Variants in ARHGEF2 observed in about 807,000 individuals in gnomAD.
The protein encoded by ARHGEF2 is rho guanine nucleotide exchange factor 2.
In ARHGEF2, 22 loss-of-function variants were observed where a neutral mutation model predicts 121.0. The ratio of observed to expected loss-of-function variants is 0.18; its 90% CI spans 0.13 to 0.26. The LOEUF is 0.26. Among genes scored for constraint, ARHGEF2 ranks in the 10% least tolerant of loss-of-function variants. The pLI, the probability that ARHGEF2 is intolerant of heterozygous loss-of-function variation, is 1.00. For missense variants in ARHGEF2, 907 were observed against 1,336.0 expected, an observed-to-expected ratio of 0.68 and a Z score of 5.01; for synonymous variants, 487 against 530.0, an observed-to-expected ratio of 0.92 and a Z score of 1.11.
intron 2 of ARHGEF2, 110 bp from the exon 3 acceptor site, chr1:155,966,997 C>A (rs541010057): frequency 4.0e-6 from 4 of 1,000,710 alleles, no homozygotes; most frequent in Non-Finnish European, 6.2e-6. Context: ...CGGGGACTCT[C>A]CCCCCTTCCC....
chr1:155,964,446 G>A (rs986290148), intron 7 of ARHGEF2, among the ~76,000 whole-genome samples: 4 of 151,620 alleles, frequency 2.6e-5, no homozygotes, highest in African/African-American at 7.3e-5. Flanking sequence ...TCTCCAGCAC[G>A]GTGTTAAGCG....
chr1:155,955,011 T>C, intron 13 of ARHGEF2, 42 bp from the exon 14 acceptor site: 1 of 1,559,102 alleles, frequency 6.4e-7, no homozygotes, highest in African/African-American at 1.4e-5. Context: ...AGACAGAAGC[T>C]AGGTTATAGA....
In ARHGEF2 at chr1:155,965,082, C is replaced by G. The variant is rs369719782; in HGVS notation, c.630G>C (p.Lys210Asn). ...GACTCCAAGAGTCAGCTGCAAAGTC[C>G]TTCTCATCCATCTCAAAGTCACTCA... ...ELMSDFEMDE[K>N]DFAADSWSLA... The change falls in exon 7 of 22, where the codon AAG becomes AAC. Residue 210 changes from lysine (K) to asparagine (N), a missense_variant. Physicochemically the swap from Lys to Asn is moderately conservative, Grantham distance 94. This residue lies in a region of ARHGEF2 where 475 missense variants were observed against 776.5 expected (regional missense o/e 0.61). Transcript: ENST00000361247. This position sits in a 1 kb window ranked among gnomAD's most constrained non-coding sequence, Gnocchi z 6.0. 6.2e-7 allele frequency: 1 copy of G among 1,613,978 alleles called. No homozygotes were observed. The highest frequency in any genetic ancestry group is 8.5e-7 in the Non-Finnish European group (1 of 1,180,034).
At chr1:155,955,956 T>A (rs1676581538) in intron 13 of ARHGEF2, among the ~76,000 whole-genome samples, 1 of 151,886 alleles carries the variant, frequency 6.6e-6, no homozygotes. Context: ...GGTCCGCCTG[T>A]CTCAGCCTCC....
intron 13 of ARHGEF2, among the ~76,000 whole-genome samples, 174 bp downstream of exon 13, chr1:155,957,539 C>T (rs977534532): frequency 1.3e-5 from 2 of 152,220 alleles, no homozygotes; most frequent in African/African-American, 4.8e-5. Context: ...TGTGGCTTTA[C>T]AGGACATAAG....
chr1:155,950,362 C>G lies in ARHGEF2; in HGVS notation c.2824G>C (p.Asp942His), dbSNP rs990259006. ...SPEERLQDSS[D>H]PDTGSEEEGS... is the part of the protein sequence containing the mutation. ...TCCTCCTCGCTGCCAGTGTCAGGGT[C>G]ACTGCTGTCTTGCAGCCGCTCTTCG... is the stretch of plus-strand genomic sequence containing the variant. Residue 942 changes from aspartate (D) to histidine (H), a missense_variant, in exon 21 of 22, where the codon GAC becomes CAC. By Grantham distance (81) the Asp-to-His change is moderately conservative. Around this residue, in one of 2 missense-constraint regions of ARHGEF2, gnomAD observed 432 missense variants for 559.5 expected, o/e 0.77. Transcript: ENST00000361247. The surrounding 1 kb of genome is among the most constrained non-coding windows in gnomAD (Gnocchi z 5.2). The G allele has an allele frequency of 6.2e-7, 1 of 1,613,898 alleles. No homozygotes were observed. Among genetic ancestry groups the G allele is most frequent in the Non-Finnish European group, 8.5e-7 (1 of 1,180,040 alleles).
At position 155,947,118 on chromosome 1, in the gene ARHGEF2, A is replaced by G; in HGVS notation, c.*824T>C. 2.9e-6 allele frequency: 1 copy of G among 348,220 alleles called. No homozygotes were observed. Among genetic ancestry groups the G allele is most frequent in the Non-Finnish European group, 5.7e-6 (1 of 176,582 alleles). The allele number at this position is 348,220 out of a possible 1,614,324, so 21.6% of individuals were successfully genotyped here. A position where few individuals can be genotyped will look rare whatever the true frequency, so the allele number is the denominator to read the frequency against. ...TCAGTATAGGTCCCCCCGTTACTGC[A>G]GATGAAGGCAGAAGTCATTCTCTCC... On this transcript the variant is annotated 3_prime_UTR_variant, in exon 22 of 22. Transcript: ENST00000361247.
chr1:155,971,533 T>C (rs903093738), intron 1 of ARHGEF2, among the ~76,000 whole-genome samples: 3 of 136,598 alleles, frequency 2.2e-5, no homozygotes, highest in Non-Finnish European at 4.7e-5. Flanking sequence ...TGGGTTGAGA[T>C]TGGGCCACTG....
rs771815227 is a variant in ARHGEF2 at position 155,961,928 on chromosome 1, A to C, written c.1220-19T>G. On this transcript the variant is annotated intron_variant, in intron 10 of 21. Transcript: ENST00000361247. This position sits in a 1 kb window ranked among gnomAD's most constrained non-coding sequence, Gnocchi z 4.7. ...TCGATCCCTGGCACCGGGGGTTGGCATGGGGAACGGCTCAACCAGTTTCAC... is the reference window on the plus strand; with the variant it reads ...TCGATCCCTGGCACCGGGGGTTGGCCTGGGGAACGGCTCAACCAGTTTCAC... 6 of 1,613,144 alleles carry C rather than the reference A, an allele frequency of 3.7e-6. No individual in the cohort carries two copies. In the African/African-American group the frequency reaches 5.3e-5, roughly 14 times the overall value.
rs952272208 is a variant in ARHGEF2 at position 155,951,317 on chromosome 1, C to T, written c.2260-45G>A. On this transcript the variant is annotated intron_variant, in intron 19 of 21. Transcript: ENST00000361247. This position sits in a 1 kb window ranked among gnomAD's most constrained non-coding sequence, Gnocchi z 5.1. ...AGAAGGGTTTATCAGAACCCCTGTG[C>T]TCTTCTACCCCTCGCCTTCACCCTC... is the stretch of plus-strand genomic sequence containing the variant. The T allele has an allele frequency of 1.0e-5, 16 of 1,565,986 alleles. No individual in the cohort carries two copies. The highest frequency in any genetic ancestry group is 1.4e-5 in the African/African-American group (1 of 73,810).
At chr1:155,948,773 CAT>C (rs1674804518) in intron 21 of ARHGEF2, among the ~76,000 whole-genome samples, 1 of 152,182 alleles carries the variant, frequency 6.6e-6, no homozygotes, top group African/African-American at 2.4e-5. Flanking sequence ...CTCTCTCTAA[CAT>C]AAAAAATTTT....
chr1:155,957,545 A>G (rs1208427207), intron 13 of ARHGEF2, among the ~76,000 whole-genome samples, 168 bp downstream of exon 13: 1 of 152,232 alleles, frequency 6.6e-6, no homozygotes, highest in Non-Finnish European at 1.5e-5. Context: ...TTTACAGGAC[A>G]TAAGAACATA....
intron 16 of ARHGEF2, 62 bp downstream of exon 16, chr1:155,952,054 T>A: frequency 6.2e-7 from 1 of 1,614,082 alleles, no homozygotes. Context: ...TGATCCCTGG[T>A]ACCACTCTAC....
intron 3 of ARHGEF2, 104 bp downstream of exon 3, chr1:155,966,716 G>A: frequency 1.5e-6 from 2 of 1,310,688 alleles, no homozygotes; most frequent in Admixed American, 1.7e-5. Context: ...TGGTGAGGAG[G>A]TGGGTGGTGA....
Position 155,965,266 on chromosome 1 carries a change from T to C in ARHGEF2, c.580+37A>G, listed in dbSNP as rs375775409. 5.6e-6 allele frequency: 9 copies of C among 1,609,088 alleles called. 1 individual carries two copies. Among genetic ancestry groups the C allele is most frequent in the Middle Eastern group, 3.3e-4 (2 of 6,050 alleles). ...CCTCTCATCCCCCAGCCCCTCTTCATGTTCCTCAGGGCTCCCCTGGGCCCA... is the reference window on the plus strand; with the variant it reads ...CCTCTCATCCCCCAGCCCCTCTTCACGTTCCTCAGGGCTCCCCTGGGCCCA... On this transcript the variant is annotated intron_variant, in intron 6 of 21. Transcript: ENST00000361247. The surrounding 1 kb of genome is among the most constrained non-coding windows in gnomAD (Gnocchi z 6.0).
At chr1:155,956,976 G>A (rs1216452008) in intron 13 of ARHGEF2, among the ~76,000 whole-genome samples, 4 of 149,998 alleles carry the variant, frequency 2.7e-5, no homozygotes, top group African/African-American at 4.9e-5. Flanking sequence ...CAGGAGAATC[G>A]CTTGAATCCA....
chr1:155,961,832 T>C lies in ARHGEF2; in HGVS notation c.1297A>G (p.Ile433Val). 2.5e-6 allele frequency: 4 copies of C among 1,614,148 alleles called. No homozygotes were observed. The highest frequency in any genetic ancestry group is 4.5e-5 in the East Asian group (2 of 44,874). Residue 433 changes from isoleucine to valine, a missense_variant, in exon 11 of 22, where the codon ATT becomes GTT. This residue lies in a region of ARHGEF2 where 475 missense variants were observed against 776.5 expected (regional missense o/e 0.61). Transcript: ENST00000361247. This position sits in a 1 kb window ranked among gnomAD's most constrained non-coding sequence, Gnocchi z 4.7. ...CGGGCCCCTTTCTCCAGCTGATAAA[T>C]ACCCTCGTCCACATTGGACAGCAGC... The part of the protein sequence containing the change: ...KELLSNVDEG[I>V]YQLEKGARLQ...
In ARHGEF2 at chr1:155,962,077, T is replaced by A; in HGVS notation, c.1219+28A>T. 1 of 1,611,632 alleles carries A rather than the reference T, an allele frequency of 6.2e-7. No individual in the cohort carries two copies. Among genetic ancestry groups the A allele is most frequent in the South Asian group, 1.1e-5 (1 of 91,034 alleles). ...CTCACCCCAGGTGGCCGTCTCCCAGTGGCCCTCTCCTGGGCCTGCCTACTC... is the reference window on the plus strand; with the variant it reads ...CTCACCCCAGGTGGCCGTCTCCCAGAGGCCCTCTCCTGGGCCTGCCTACTC... On this transcript the variant is annotated intron_variant, in intron 10 of 21. Coordinates refer to ENST00000361247, the MANE Select transcript of ARHGEF2 (RefSeq NM_001162383.2). This position sits in a 1 kb window ranked among gnomAD's most constrained non-coding sequence, Gnocchi z 5.8.
rs1677880273 is a variant in ARHGEF2, at chr1:155,961,400, G to A, written c.1468+261C>T. Reference sequence around the variant, plus strand: ...CGCCATTCTCCTGCCTCAGCCTCCTGAGTAGCTGGGACTATAGGCGCCCAC... The same window carrying A: ...CGCCATTCTCCTGCCTCAGCCTCCTAAGTAGCTGGGACTATAGGCGCCCAC... On this transcript the variant is annotated intron_variant, in intron 11 of 21. Coordinates refer to ENST00000361247, the MANE Select transcript of ARHGEF2 (RefSeq NM_001162383.2). This position sits in a 1 kb window ranked among gnomAD's most constrained non-coding sequence, Gnocchi z 4.7. 6.6e-6 allele frequency among the ~76,000 whole-genome samples: 1 copy of A among 151,488 alleles called. No individual in the cohort carries two copies. The highest frequency in any genetic ancestry group is 1.5e-5 in the Non-Finnish European group (1 of 67,948).
Sources: gnomAD v4.1 joint callset for allele counts (sites outside exome capture counted in the v4.1 genomes callset) on GRCh38, gnomAD v4.1.1 for gene constraint, gnomAD v4.1.1 regional missense constraint, Gnocchi (gnomAD v3.1) non-coding constraint, MANE v1.5 for transcripts, NCBI Gene and HGNC (gene_info 2026-07-23, HGNC 2026-07-21) for gene names.